DGKB: variants seen among roughly 807,000 people sequenced by gnomAD.
DGKB encodes diacylglycerol kinase beta.
DGKB carries 67 observed loss-of-function variants against 114.3 expected under a neutral mutation model. The observed-to-expected ratio is 0.59, with a 90% confidence interval of 0.48 to 0.72. The LOEUF is 0.72. Among genes scored for constraint, DGKB ranks in the 30% least tolerant of loss-of-function variants. DGKB has a pLI of 0.00. For synonymous variants in DGKB, 398 were observed against 323.1 expected (o/e 1.23, Z -2.49); for missense variants, 907 against 975.2 (o/e 0.93, Z 0.93).
At position 14,338,581 on chromosome 7, in the gene DGKB, C is replaced by G; in HGVS notation, c.2056G>C (p.Glu686Gln). 6.2e-7 allele frequency: 1 copy of G among 1,609,196 alleles called. No homozygotes were observed. Among genetic ancestry groups the G allele is most frequent in the African/African-American group, 1.3e-5 (1 of 74,634 alleles). The change falls in exon 23 of 26, where the codon GAG (glutamate) becomes CAG (glutamine). Residue 686 changes from glutamate to glutamine, a missense_variant. Physicochemically the swap from Glu to Gln is conservative, Grantham distance 29. Transcript: ENST00000402815. Reference sequence around the variant, plus strand: ...GTCCTTTTGTCAGACCCTTTTTTCTCTATTCGTCGATGGCTTCGTCTTTTC... The same window carrying G: ...GTCCTTTTGTCAGACCCTTTTTTCTGTATTCGTCGATGGCTTCGTCTTTTC... ...SKKRRSHRRI[E>Q]KKGSDKRTTV... is the part of the protein sequence containing the mutation.
chr7:14,206,281 T>G (rs1353425272), intron 23 of DGKB, among the ~76,000 whole-genome samples: 1 of 151,844 alleles, frequency 6.6e-6, no homozygotes, highest in Non-Finnish European at 1.5e-5. Context: ...GGAAGAAAAA[T>G]TAACCAACCT....
chr7:14,537,513 A>G (rs1379676990), intron 20 of DGKB, among the ~76,000 whole-genome samples: 2 of 152,180 alleles, frequency 1.3e-5, no homozygotes, highest in Non-Finnish European at 2.9e-5. Flanking sequence ...TTTGATGAAG[A>G]TGCCAAGAAT....
intron 21 of DGKB, among the ~76,000 whole-genome samples, chr7:14,408,944 T>G (rs908608275): frequency 6.6e-5 from 10 of 152,154 alleles, no homozygotes; most frequent in African/African-American, 2.4e-4. Context: ...GCTAGTTTAG[T>G]TTATCATTTA....
At chr7:14,695,661 G>C (rs1261520546) in intron 8 of DGKB, among the ~76,000 whole-genome samples, 1 of 151,588 alleles carries the variant, frequency 6.6e-6, no homozygotes, top group Non-Finnish European at 1.5e-5. Flanking sequence ...CACTACGCCC[G>C]GCTGATTTTT....
intron 2 of DGKB, among the ~76,000 whole-genome samples, chr7:14,764,257 TTATC>T (rs1562475934): frequency 6.6e-6 from 1 of 151,958 alleles, no homozygotes; most frequent in Non-Finnish European, 1.5e-5. Context: ...AGAAAAATCT[TTATC>T]AATTATGTCA....
intron 1 of DGKB, among the ~76,000 whole-genome samples, chr7:14,879,209 T>C (rs974465338): frequency 5.9e-5 from 9 of 151,946 alleles, no homozygotes; most frequent in Non-Finnish European, 1.3e-4. Context: ...TACTTTAGTG[T>C]ATTTCAAAAT....
intron 23 of DGKB, among the ~76,000 whole-genome samples, chr7:14,244,119 T>C (rs902739362): frequency 6.6e-6 from 1 of 152,104 alleles, no homozygotes; most frequent in African/African-American, 2.4e-5. Flanking sequence ...TAAGGCGGCT[T>C]CTGACAGAGT....
intron 21 of DGKB, among the ~76,000 whole-genome samples, chr7:14,420,617 C>A (rs1380028001): frequency 6.6e-6 from 1 of 151,942 alleles, no homozygotes; most frequent in Admixed American, 6.6e-5. Flanking sequence ...AAATCTATCC[C>A]ATTTGTGATA....
In DGKB at chr7:14,147,273, A is replaced by T. The variant is rs1401271362; in HGVS notation, c.*1858T>A. 6.6e-6 allele frequency: 1 copy of T among 152,162 alleles called. No homozygotes were observed. Among genetic ancestry groups the T allele is most frequent in the African/African-American group, 2.4e-5 (1 of 41,448 alleles). The allele number at this position is 152,162 out of a possible 1,614,324, so 9.4% of individuals were successfully genotyped here. A position where few individuals can be genotyped will look rare whatever the true frequency, so the allele number is the denominator to read the frequency against. On this transcript the variant is annotated 3_prime_UTR_variant, in exon 26 of 26. Transcript: ENST00000402815. ...CAAGTGATTGCTGTACTAAATTTGC[A>T]ATTGTAATCATAATTTTCCTGGGAA...
At chr7:14,888,736 T>C (rs970449535) in intron 1 of DGKB, among the ~76,000 whole-genome samples, 1 of 151,736 alleles carries the variant, frequency 6.6e-6, no homozygotes, top group Non-Finnish European at 1.5e-5. Flanking sequence ...GTTTTGTATA[T>C]CTGAAAATTG....
intron 23 of DGKB, among the ~76,000 whole-genome samples, chr7:14,279,374 C>A (rs1248143823): frequency 3.3e-5 from 5 of 152,084 alleles, no homozygotes; most frequent in Admixed American, 6.6e-5. Context: ...CTGGGTGGAG[C>A]CCACCACAGC....
rs1427801329 is a variant in DGKB, at chr7:14,199,721, C to G, written c.2123-21570G>C. Among the ~76,000 whole-genome samples the G allele has an allele frequency of 6.6e-5, 10 of 151,990 alleles. No individual in the cohort carries two copies. The East Asian group carries it at 1.7e-3, about 26-fold the overall frequency. On this transcript the variant is annotated intron_variant, in intron 23 of 25. Transcript: ENST00000402815. ...CAAGTGGCAGTGCACTATAATGAAG[C>G]TCTTAATTAGGCTAATAATTTAATA...
chr7:14,816,495 G>C (rs1316501372), intron 2 of DGKB: 2 of 152,266 alleles, frequency 1.3e-5, no homozygotes, highest in African/African-American at 4.8e-5. Context: ...TCTAGTTGTT[G>C]TTAGGCAAAA....
rs564672363 is a variant in DGKB, at chr7:14,790,702, A to G, written c.71-32971T>C. Among the ~76,000 whole-genome samples, 10 of 152,288 alleles carry G rather than the reference A, an allele frequency of 6.6e-5. No homozygotes were observed. The South Asian group carries it at 1.4e-3, about 22-fold the overall frequency. ...CAAATATCACAGGCTTCATTAATGT[A>G]GCTTGTATATAGTAAGGTCTTAAAA... On this transcript the variant is annotated intron_variant, in intron 2 of 25. Coordinates refer to ENST00000402815, the MANE Select transcript of DGKB (RefSeq NM_001350709.2).
At chr7:14,359,240 G>A (rs1000495044) in intron 21 of DGKB, among the ~76,000 whole-genome samples, 3 of 152,052 alleles carry the variant, frequency 2.0e-5, no homozygotes, top group African/African-American at 7.2e-5. Context: ...TTTAATAAAC[G>A]GCGCTGGGAA....
At chr7:14,354,391 G>A (rs531907339) in intron 21 of DGKB, among the ~76,000 whole-genome samples, 23 of 152,232 alleles carry the variant, frequency 1.5e-4, no homozygotes, top group South Asian at 1.2e-3. Flanking sequence ...CTGACTTTGG[G>A]TATCAGGGGA....
intron 19 of DGKB, among the ~76,000 whole-genome samples, chr7:14,577,548 C>T (rs563590932): frequency 5.6e-4 from 85 of 152,052 alleles, no homozygotes; most frequent in Non-Finnish European, 1.8e-4. Context: ...ACCCGGGGGG[C>T]GGAGCCTGCA....
intron 23 of DGKB, among the ~76,000 whole-genome samples, chr7:14,219,495 G>A (rs1789563756): frequency 6.6e-6 from 1 of 151,746 alleles, no homozygotes; most frequent in Non-Finnish European, 1.5e-5. Flanking sequence ...GTTTTGATTT[G>A]CATTTTCCTA....
At chr7:14,520,580 C>T (rs1490669833) in intron 20 of DGKB, among the ~76,000 whole-genome samples, 2 of 151,490 alleles carry the variant, frequency 1.3e-5, no homozygotes, top group African/African-American at 4.8e-5. Flanking sequence ...TTTTTTGATC[C>T]ATGAGAGATT....
Sources: gnomAD v4.1 joint callset for allele counts (sites outside exome capture counted in the v4.1 genomes callset) on GRCh38, gnomAD v4.1.1 for gene constraint, MANE v1.5 for transcripts, NCBI Gene and HGNC (gene_info 2026-07-23, HGNC 2026-07-21) for gene names.